The following ADCY7 variants were observed in gnomAD, a reference collection of about 807,000 sequenced individuals.
ADCY7 encodes adenylate cyclase 7.
In ADCY7, 72 loss-of-function variants were observed where a neutral mutation model predicts 120.6. The observed-to-expected ratio is 0.60, with a 90% CI of 0.49 to 0.73. ADCY7 has a LOEUF of 0.73. ADCY7 is among the 30% of genes least tolerant of loss of function. The pLI is 0.00. For missense variants in ADCY7, 1,227 were observed against 1,486.0 expected (o/e 0.83, Z 2.87); for synonymous variants, 661 against 628.0 (o/e 1.05, Z -0.78).
intron 1 of ADCY7, among the ~76,000 whole-genome samples, chr16:50,259,393 G>A (rs1263288106): frequency 3.3e-5 from 5 of 152,230 alleles, no homozygotes; most frequent in Non-Finnish European, 7.3e-5. Context: ...AAGGACAGGC[G>A]GCCTCTGGTG....
chr16:50,249,483 T>C (rs1376356556), intron 1 of ADCY7, among the ~76,000 whole-genome samples: 1 of 151,554 alleles, frequency 6.6e-6, no homozygotes, highest in Non-Finnish European at 1.5e-5. Context: ...AAAACCAAAG[T>C]ACTCAGGCCC....
In ADCY7 at chr16:50,288,238, C is replaced by A. The variant is rs200299180; in HGVS notation, c.59C>A (p.Ala20Glu). Residue 20 changes from alanine (A) to glutamate (E), a missense_variant, in exon 2 of 26, where the codon GCG (alanine) becomes GAG (glutamate). Ala to Glu is a moderately radical substitution (Grantham distance 107). This residue lies in a region of ADCY7 where 382 missense variants were observed against 411.4 expected (regional missense o/e 0.93). Coordinates refer to ENST00000673801, the MANE Select transcript of ADCY7 (RefSeq NM_001114.5). Reference protein sequence around the residue: ...NEGEEGPDQDALYEKYQLTSQ... With the variant: ...NEGEEGPDQDELYEKYQLTSQ... ...GGCGAGGAGGGCCCTGACCAAGATG[C>A]GCTCTACGAGAAGTACCAGCTCACC... The A allele has an allele frequency of 2.3e-5, 36 of 1,551,278 alleles. No individual in the cohort carries two copies. The highest frequency in any genetic ancestry group is 2.6e-5 in the Non-Finnish European group (30 of 1,147,024).
chr16:50,312,955 G>A lies in ADCY7; in HGVS notation c.2670G>A (p.Val890=), dbSNP rs1324516404. 3.1e-6 allele frequency: 5 copies of A among 1,614,224 alleles called. No individual in the cohort carries two copies. In the South Asian group the frequency reaches 4.4e-5, roughly 14 times the overall value. ...TTGCCTCCGTGCCGGACTTCAAAGT[G>A]TTCTACACAGAGTGCGATGTCAACA... The part of the protein sequence containing the change: ...VMFASVPDFK[V]FYTECDVNKE... The change falls in exon 22 of 26, where the codon GTG becomes GTA. Residue 890 remains valine, a synonymous_variant. Coordinates refer to ENST00000673801, the MANE Select transcript of ADCY7 (RefSeq NM_001114.5).
chr16:50,289,449 G>A, intron 2 of ADCY7: 1 of 307,088 alleles, frequency 3.3e-6, no homozygotes, highest in South Asian at 2.4e-5. Context: ...CATTTAAAAA[G>A]TGGGTAATGT....
chr16:50,304,651 C>T (rs572360672), intron 11 of ADCY7, 100 bp downstream of exon 11: 22 of 1,279,984 alleles, frequency 1.7e-5, no homozygotes, highest in African/African-American at 7.5e-5. Flanking sequence ...CCTCACTGTC[C>T]CCATCTGTAA....
At chr16:50,291,688 C>T (rs1321964491) in intron 3 of ADCY7, 48 bp from the exon 4 acceptor site, 2 of 1,611,246 alleles carry the variant, frequency 1.2e-6, no homozygotes, top group Admixed American at 3.3e-5. Context: ...GGCTGTACGG[C>T]CTGGGGCAGC....
chr16:50,272,869 C>G (rs774782604), intron 1 of ADCY7, among the ~76,000 whole-genome samples: 4 of 152,154 alleles, frequency 2.6e-5, no homozygotes, highest in African/African-American at 7.2e-5. Context: ...TCTGAAGGAG[C>G]TATTTTAAGG....
Position 50,305,572 on chromosome 16 carries a change from G to C in ADCY7, c.1665G>C (p.Gly555=). The change falls in exon 13 of 26, where the codon GGG becomes GGC. Residue 555 remains glycine (G), a synonymous_variant. Transcript: ENST00000673801. ...ACGAGATGCTGTCAGCCATTGAGGG[G>C]CTCAGCTCCACGAGGTGAGGTCTGA... ...YDDEMLSAIE[G]LSSTRPCCSK... The C allele has an allele frequency of 6.2e-7, 1 of 1,602,890 alleles. No individual in the cohort carries two copies. The highest frequency in any genetic ancestry group is 8.5e-7 in the Non-Finnish European group (1 of 1,173,706).
In ADCY7 at chr16:50,311,742, T is replaced by C. The variant is rs751249447; in HGVS notation, c.2404T>C (p.Tyr802His). 5.5e-5 allele frequency: 88 copies of C among 1,604,138 alleles called. No individual in the cohort carries two copies. In the Admixed American group the frequency reaches 1.5e-3, roughly 27 times the overall value. The change falls in exon 20 of 26, where the codon TAC becomes CAC. Residue 802 changes from tyrosine to histidine, a missense_variant. Physicochemically the swap from Tyr to His is moderately conservative, Grantham distance 83. Transcript: ENST00000673801. ...GGACCTGAAGACCATGACCAATTTC[T>C]ACCTGGTCCTGTTCTACATCACCCT... The part of the protein sequence containing the change: ...WKDLKTMTNF[Y>H]LVLFYITLLT...
chr16:50,315,749 G>C lies in ADCY7; in HGVS notation c.*244G>C, dbSNP rs2036771536. The stretch of plus-strand genomic sequence containing the variant: ...TGTGCCTGGTCTGTAACAGTTTCCA[G>C]GCCAGCTGGAGAATGTTCACTGGTT... On this transcript the variant is annotated 3_prime_UTR_variant, in exon 26 of 26. Transcript: ENST00000673801. The C allele has an allele frequency of 1.8e-5, 8 of 434,646 alleles. No homozygotes were observed. The highest frequency in any genetic ancestry group is 1.1e-4 in the Admixed American group (3 of 28,084). The allele number at this position is 434,646 out of a possible 1,614,324, so 26.9% of individuals were successfully genotyped here. A position where few individuals can be genotyped will look rare whatever the true frequency, so the allele number is the denominator to read the frequency against.
At chr16:50,250,747 A>G (rs2032734621) in intron 1 of ADCY7, among the ~76,000 whole-genome samples, 1 of 152,174 alleles carries the variant, frequency 6.6e-6, no homozygotes, top group Non-Finnish European at 1.5e-5. Flanking sequence ...ATCAACATTA[A>G]ATGATCTGAT....
Position 50,308,774 on chromosome 16 carries a change from T to C in ADCY7, c.2043T>C (p.Thr681=), listed in dbSNP as rs1276047121. 7 of 1,611,232 alleles carry C rather than the reference T, an allele frequency of 4.3e-6. No individual in the cohort carries two copies. The highest frequency in any genetic ancestry group is 5.1e-6 in the Non-Finnish European group (6 of 1,179,368). Residue 681 remains threonine, a synonymous_variant, in exon 17 of 26, where the codon ACT becomes ACC. Coordinates refer to ENST00000673801, the MANE Select transcript of ADCY7 (RefSeq NM_001114.5). ...LAVLTIGSLL[T]VAIINLPLMP... ...TCCTGACCATCGGCAGCCTGCTCAC[T>C]GTGGCCATCATCAACCTGGTGGGTC...
At chr16:50,272,773 T>C (rs1305596520) in intron 1 of ADCY7, among the ~76,000 whole-genome samples, 3 of 152,076 alleles carry the variant, frequency 2.0e-5, no homozygotes, top group African/African-American at 7.2e-5. Flanking sequence ...GAGACCTCCT[T>C]CTGTGTGTGT....
At chr16:50,306,475 GGTGTGGCCA>G (rs974631897) in intron 14 of ADCY7, among the ~76,000 whole-genome samples, 9 of 151,884 alleles carry the variant, frequency 5.9e-5, no homozygotes, top group Admixed American at 2.0e-4. Flanking sequence ...GACCTGGCAG[GGTGTGGCCA>G]GTGTGGCCAG....
intron 1 of ADCY7, among the ~76,000 whole-genome samples, chr16:50,280,881 GC>G (rs2034214443): frequency 6.6e-6 from 1 of 152,192 alleles, no homozygotes; most frequent in Non-Finnish European, 1.5e-5. Context: ...TGGTGGCTAA[GC>G]TGGGACTGGA....
chr16:50,303,585 C>T (rs1408972983), intron 10 of ADCY7, among the ~76,000 whole-genome samples: 1 of 151,990 alleles, frequency 6.6e-6, no homozygotes, highest in Non-Finnish European at 1.5e-5. Flanking sequence ...TGGCGAAGGC[C>T]TCAGGCATGT....
At chr16:50,267,678 T>C (rs923929606) in intron 1 of ADCY7, among the ~76,000 whole-genome samples, 12 of 152,082 alleles carry the variant, frequency 7.9e-5, no homozygotes, top group Non-Finnish European at 1.6e-4. Context: ...AGCCTGTGTG[T>C]GGAAGGACAT....
chr16:50,313,780 C>T, intron 22 of ADCY7, 178 bp from the exon 23 acceptor site: 1 of 589,524 alleles, frequency 1.7e-6, no homozygotes, highest in Non-Finnish European at 3.0e-6. Flanking sequence ...GCAGGAGCCG[C>T]CAAGGGCCAT....
intron 1 of ADCY7, among the ~76,000 whole-genome samples, chr16:50,270,081 G>A (rs1303073322): frequency 1.3e-5 from 2 of 152,114 alleles, no homozygotes; most frequent in African/African-American, 4.8e-5. Context: ...TCCCAGCTAC[G>A]CAGGAGGATT....
Sources: gnomAD v4.1 joint callset for allele counts (sites outside exome capture counted in the v4.1 genomes callset) on GRCh38, gnomAD v4.1.1 for gene constraint, gnomAD v4.1.1 regional missense constraint, MANE v1.5 for transcripts, NCBI Gene and HGNC (gene_info 2026-07-23, HGNC 2026-07-21) for gene names.